The following GLI2 variants were observed in gnomAD, a reference collection of about 807,000 sequenced individuals.
GLI2 encodes the protein GLI family zinc finger 2, also known as transcription activator GLI2.
A neutral mutation model predicts 78.9 loss-of-function variants in GLI2; 22 were observed. The observed-to-expected ratio is 0.28, with a 90% confidence interval of 0.20 to 0.40. GLI2 has a LOEUF of 0.40. GLI2 is among the 10% of genes least tolerant of loss of function. The pLI, the probability that GLI2 is intolerant of heterozygous loss-of-function variation, is 1.00. For missense variants in GLI2, 2,097 were observed against 2,213.2 expected (o/e 0.95, Z 1.05); for synonymous variants, 974 against 963.7 (o/e 1.01, Z -0.20).
At chr2:120,983,739 G>A (rs558117979) in intron 11 of GLI2, among the ~76,000 whole-genome samples, 28 of 152,308 alleles carry the variant, frequency 1.8e-4, no homozygotes, top group South Asian at 1.0e-3. Context: ...AGGCTTACTC[G>A]GAAATGTATG....
intron 1 of GLI2, among the ~76,000 whole-genome samples, chr2:120,767,699 C>T (rs1157639814): frequency 6.6e-6 from 1 of 152,240 alleles, no homozygotes; most frequent in East Asian, 1.9e-4. Flanking sequence ...TCGCCTGGGT[C>T]ACCCTGCCCC....
chr2:120,884,625 G>C (rs1402007231), intron 2 of GLI2, among the ~76,000 whole-genome samples: 1 of 152,116 alleles, frequency 6.6e-6, no homozygotes, highest in Non-Finnish European at 1.5e-5. Flanking sequence ...CTTCCCCCAC[G>C]CTGGAGATAT....
intron 2 of GLI2, chr2:120,867,512 C>G (rs947742625): frequency 4.6e-5 from 7 of 152,344 alleles, no homozygotes; most frequent in Non-Finnish European, 7.3e-5. Flanking sequence ...CCTCTCCTGC[C>G]GCTGGGCAGT....
chr2:120,983,947 GT>G (rs1359291647), intron 11 of GLI2, among the ~76,000 whole-genome samples: 957 of 24,014 alleles, frequency 0.04, 7 homozygotes, highest in African/African-American at 0.064. Flanking sequence ...GGTGTGTGGG[GT>G]GTGTGTGTGT....
chr2:120,928,400 G>A (rs1339276349), intron 3 of GLI2, among the ~76,000 whole-genome samples: 1 of 152,204 alleles, frequency 6.6e-6, no homozygotes, highest in African/African-American at 2.4e-5. Context: ...CTCAGGGGCA[G>A]TGTGATCCTT....
rs777362312 is a variant in GLI2, at chr2:120,986,296, G to A, written c.1924G>A (p.Gly642Arg). The change falls in exon 13 of 14, where the codon GGG (glycine) becomes AGG (arginine). Residue 642 changes from glycine (G) to arginine (R), a missense_variant. By Grantham distance (125) the Gly-to-Arg change is moderately radical (BLOSUM62 -2). Coordinates refer to ENST00000361492, the MANE Select transcript of GLI2 (RefSeq NM_001374353.1). ...CCTGCAGCTGTGTCAGTCCAGCCCC[G>A]GGGCCCAGTCGTCCTGCAGCAGCGA... The part of the protein sequence containing the change: ...ESSGLCQSSP[G>R]AQSSCSSEPS... The A allele has an allele frequency of 9.3e-6, 15 of 1,613,110 alleles. No individual in the cohort carries two copies. The highest frequency in any genetic ancestry group is 2.2e-5 in the South Asian group (2 of 91,078).
At chr2:120,972,283 G>A (rs1397098692) in intron 8 of GLI2, among the ~76,000 whole-genome samples, 1 of 152,250 alleles carries the variant, frequency 6.6e-6, no homozygotes, top group East Asian at 1.9e-4. Flanking sequence ...CATGGTGAAT[G>A]AATGAATGAG....
chr2:120,860,449 C>A (rs950499968), intron 2 of GLI2, among the ~76,000 whole-genome samples: 3 of 152,232 alleles, frequency 2.0e-5, no homozygotes, highest in Non-Finnish European at 2.9e-5. Flanking sequence ...GGCCAGCTGT[C>A]AGTGTCCATT....
intron 2 of GLI2, among the ~76,000 whole-genome samples, chr2:120,856,676 C>T (rs938862718): frequency 6.6e-6 from 1 of 152,066 alleles, no homozygotes; most frequent in Non-Finnish European, 1.5e-5. Context: ...GGACTGCAGT[C>T]CCGAGCCCTC....
Position 120,927,432 on chromosome 2 carries a change from C to G in GLI2, c.220C>G (p.His74Asp), listed in dbSNP as rs201945889. The change falls in exon 3 of 14, where the codon CAT (histidine) becomes GAT (aspartate). Residue 74 changes from histidine to aspartate, a missense_variant. Physicochemically the swap from His to Asp is moderately conservative, Grantham distance 81. Around this residue, in one of 5 missense-constraint regions of GLI2, gnomAD observed 578 missense variants for 612.0 expected, o/e 0.94. Coordinates refer to ENST00000361492, the MANE Select transcript of GLI2 (RefSeq NM_001374353.1). The part of the protein sequence containing the change: ...IDMRHQEGRY[H>D]YEPHSVHGVH... Reference sequence around the variant, plus strand: ...CATGCGACACCAGGAAGGAAGGTACCATTACGAGCCTCATTCTGTCCACGG... The same window carrying G: ...CATGCGACACCAGGAAGGAAGGTACGATTACGAGCCTCATTCTGTCCACGG... 1 of 1,613,754 alleles carries G rather than the reference C, an allele frequency of 6.2e-7. No individual in the cohort carries two copies. The highest frequency in any genetic ancestry group is 1.7e-5 in the Admixed American group (1 of 60,032).
Position 120,740,926 on chromosome 2 carries a change from C to G in GLI2, c.-31+4641C>G, listed in dbSNP as rs967611386. Among the ~76,000 whole-genome samples the G allele has an allele frequency of 5.3e-5, 8 of 152,326 alleles. No homozygotes were observed. The East Asian group carries it at 1.5e-3, about 29-fold the overall frequency. On this transcript the variant is annotated intron_variant, in intron 1 of 13. Coordinates refer to ENST00000361492, the MANE Select transcript of GLI2 (RefSeq NM_001374353.1). ...CGGGGACTCCACAGGCCTGTGGCCT[C>G]CAGGCTGAGCAGCACGGGCGCAGCC...
intron 2 of GLI2, among the ~76,000 whole-genome samples, chr2:120,806,274 C>T (rs1035982685): frequency 3.9e-5 from 6 of 152,154 alleles, no homozygotes; most frequent in African/African-American, 1.4e-4. Flanking sequence ...GTGGGGCACC[C>T]GGGCCTGGGT....
At chr2:120,845,581 G>T (rs1687077299) in intron 2 of GLI2, among the ~76,000 whole-genome samples, 1 of 152,166 alleles carries the variant, frequency 6.6e-6, no homozygotes, top group African/African-American at 2.4e-5. Context: ...GGACTGGAGA[G>T]GTGCTCCCTG....
chr2:120,750,924 C>T (rs1682851233), intron 1 of GLI2, among the ~76,000 whole-genome samples: 1 of 152,260 alleles, frequency 6.6e-6, no homozygotes, highest in African/African-American at 2.4e-5. Context: ...AGGGGGATGC[C>T]CCGGTACCGC....
At chr2:120,961,658 A>T (rs1418938522) in intron 5 of GLI2, among the ~76,000 whole-genome samples, 1 of 152,178 alleles carries the variant, frequency 6.6e-6, no homozygotes, top group Non-Finnish European at 1.5e-5. Context: ...AGGGCTGTGG[A>T]TGGCTAGGTG....
intron 2 of GLI2, among the ~76,000 whole-genome samples, chr2:120,850,420 G>T (rs1423419126): frequency 6.6e-6 from 1 of 152,182 alleles, no homozygotes. Flanking sequence ...CAGTGAATTT[G>T]CCCTGGGAAA....
At chr2:120,928,692 C>T (rs373283117) in intron 3 of GLI2, among the ~76,000 whole-genome samples, 2 of 152,230 alleles carry the variant, frequency 1.3e-5, no homozygotes, top group African/African-American at 2.4e-5. Context: ...GTCCTGTTTC[C>T]GGACACCCAT....
intron 5 of GLI2, among the ~76,000 whole-genome samples, chr2:120,962,574 C>G (rs1573685056): frequency 6.6e-6 from 1 of 152,286 alleles, no homozygotes; most frequent in South Asian, 2.1e-4. Flanking sequence ...TGAGGGTGGG[C>G]AGGTGGCCAG....
chr2:120,818,085 G>A (rs779307595), intron 2 of GLI2, among the ~76,000 whole-genome samples: 1 of 152,212 alleles, frequency 6.6e-6, no homozygotes, highest in Non-Finnish European at 1.5e-5. Context: ...CAAGGGCCCT[G>A]TGGCCCTGTG....
Sources: gnomAD v4.1 joint callset for allele counts (sites outside exome capture counted in the v4.1 genomes callset) on GRCh38, gnomAD v4.1.1 for gene constraint, gnomAD v4.1.1 regional missense constraint, MANE v1.5 for transcripts, NCBI Gene and HGNC (gene_info 2026-07-23, HGNC 2026-07-21) for gene names.